The following PRKCB variants were observed in gnomAD, a reference collection of about 807,000 sequenced individuals.
The protein encoded by PRKCB is protein kinase C beta type.
Under a neutral mutation model 81.5 loss-of-function variants are expected in PRKCB, and 13 were observed. That is an observed-to-expected ratio of 0.16 (90% CI 0.10 to 0.25). The LOEUF (loss-of-function observed/expected upper bound fraction) is 0.25, where lower values mean the gene tolerates loss of function less well. PRKCB is among the 10% of genes least tolerant of loss of function. PRKCB has a pLI of 1.00. For missense variants in PRKCB, 509 were observed against 875.7 expected, an observed-to-expected ratio of 0.58 and a Z score of 5.29; for synonymous variants, 335 against 321.4, an observed-to-expected ratio of 1.04 and a Z score of -0.45.
chr16:23,954,255 G>A (rs1567324695), intron 2 of PRKCB, among the ~76,000 whole-genome samples: 1 of 152,070 alleles, frequency 6.6e-6, no homozygotes, highest in Admixed American at 6.6e-5. Context: ...GACCAGGGAA[G>A]GCATCGATCT....
chr16:23,911,127 G>GTTTTTTTTTTTTTTTT (rs1567310884), intron 2 of PRKCB, among the ~76,000 whole-genome samples: 1 of 11,784 alleles, frequency 8.5e-5, no homozygotes, highest in Admixed American at 9.5e-4. Context: ...ACGTATATAT[G>GTTTTTTTTTTTTTTTT]CTTTTTTTTT....
chr16:24,117,961 G>A (rs1298426870), intron 8 of PRKCB, among the ~76,000 whole-genome samples: 2 of 152,240 alleles, frequency 1.3e-5, no homozygotes, highest in Non-Finnish European at 2.9e-5. Context: ...AATGTGCCCT[G>A]TGCGCTGTGC....
intron 7 of PRKCB, among the ~76,000 whole-genome samples, 174 bp from the exon 8 acceptor site, chr16:24,112,799 C>T (rs1966691023): frequency 6.6e-6 from 1 of 151,272 alleles, no homozygotes; most frequent in Non-Finnish European, 1.5e-5. Context: ...GGTAGTGTAC[C>T]ATGCACACTA....
At chr16:24,151,040 A>G (rs1195513706) in intron 9 of PRKCB, among the ~76,000 whole-genome samples, 1 of 152,260 alleles carries the variant, frequency 6.6e-6, no homozygotes, top group African/African-American at 2.4e-5. Flanking sequence ...CTGATTTGCA[A>G]GAAGATTTCA....
At chr16:24,085,149 G>GGA (rs533944182) in intron 5 of PRKCB, among the ~76,000 whole-genome samples, 132 of 138,190 alleles carry the variant, frequency 9.6e-4, no homozygotes, top group African/African-American at 3.5e-3. Flanking sequence ...TTGATGAAAT[G>GGA]AAAAAAAAAA....
intron 2 of PRKCB, among the ~76,000 whole-genome samples, chr16:23,847,415 C>T (rs62030644): frequency 6.7e-6 from 1 of 149,424 alleles, no homozygotes; most frequent in Non-Finnish European, 1.5e-5. Flanking sequence ...CACCTATCCA[C>T]CAATACATCC....
chr16:23,922,137 C>T lies in PRKCB; in HGVS notation c.206-66371C>T, dbSNP rs115138355. ...GAAGGACATTGGCTGATAAAAATGA[C>T]GTCTTAATAGTTATCTGTGGACAAA... On this transcript the variant is annotated intron_variant, in intron 2 of 16. Coordinates refer to ENST00000643927, the MANE Select transcript of PRKCB (RefSeq NM_002738.7). 8.9e-3 allele frequency among the ~76,000 whole-genome samples: 1,360 copies of T among 152,202 alleles called. 16 individuals are homozygous for T. Among genetic ancestry groups the T allele is most frequent in the African/African-American group, 0.031 (1,304 of 41,518 alleles).
Position 24,112,963 on chromosome 16 carries a change from CT to C in PRKCB, c.822-9del. 1 of 1,589,258 alleles carries C rather than the reference CT, an allele frequency of 6.3e-7. No homozygotes were observed. Among genetic ancestry groups the C allele is most frequent in the Non-Finnish European group, 8.6e-7 (1 of 1,165,862 alleles). ...CATGAAATGTGTCCCACCCCCTTGT[CT>C]CCCTTCAGGTTTAAGTTACTGAGCC... On this transcript the variant is annotated splice_polypyrimidine_tract_variant and intron_variant, in intron 7 of 16. Transcript: ENST00000643927.
At chr16:23,946,311 C>A (rs1204128550) in intron 2 of PRKCB, among the ~76,000 whole-genome samples, 3 of 152,158 alleles carry the variant, frequency 2.0e-5, no homozygotes, top group Admixed American at 1.3e-4. Context: ...GCTAAAGAGA[C>A]CACCCAAAGA....
intron 2 of PRKCB, among the ~76,000 whole-genome samples, chr16:23,873,203 A>AG (rs1230411661): frequency 0.15 from 10,249 of 70,140 alleles, 643 homozygotes; most frequent in Non-Finnish European, 0.2. Flanking sequence ...AAAAAAAAAA[A>AG]AAAAAAGAAA....
intron 5 of PRKCB, among the ~76,000 whole-genome samples, chr16:24,063,753 G>C (rs116432791): frequency 1.4e-4 from 21 of 152,288 alleles, no homozygotes; most frequent in African/African-American, 5.1e-4. Context: ...TTGAGCACTA[G>C]AGTGTGAGAT....
chr16:24,156,586 TTAAAA>T (rs1477881549), intron 10 of PRKCB, among the ~76,000 whole-genome samples: 1 of 152,188 alleles, frequency 6.6e-6, no homozygotes, highest in Admixed American at 6.5e-5. Flanking sequence ...AAGTTGGCTT[TTAAAA>T]TAAACTGTTT....
intron 2 of PRKCB, among the ~76,000 whole-genome samples, chr16:23,978,660 A>G (rs984503071): frequency 6.6e-6 from 1 of 152,150 alleles, no homozygotes; most frequent in African/African-American, 2.4e-5. Context: ...GTGACAAGAG[A>G]TGAGAGTCAA....
intron 2 of PRKCB, among the ~76,000 whole-genome samples, chr16:23,919,569 G>A (rs1372020851): frequency 6.6e-6 from 1 of 152,116 alleles, no homozygotes; most frequent in Non-Finnish European, 1.5e-5. Flanking sequence ...CCAGAAAGTA[G>A]GATCACATTG....
chr16:23,972,156 C>G (rs1291164697), intron 2 of PRKCB, among the ~76,000 whole-genome samples: 2 of 152,120 alleles, frequency 1.3e-5, no homozygotes, highest in Non-Finnish European at 2.9e-5. Flanking sequence ...GTCTCAAAAA[C>G]ATTATTTTAA....
chr16:23,881,432 A>G (rs1030607439), intron 2 of PRKCB, among the ~76,000 whole-genome samples: 2 of 151,892 alleles, frequency 1.3e-5, no homozygotes, highest in Non-Finnish European at 2.9e-5. Flanking sequence ...TTGTATTTTT[A>G]GGAGAGACGG....
intron 2 of PRKCB, among the ~76,000 whole-genome samples, chr16:23,979,809 C>T (rs1398976241): frequency 6.6e-6 from 1 of 152,220 alleles, no homozygotes; most frequent in African/African-American, 2.4e-5. Flanking sequence ...CAAATTACTT[C>T]TCTCCGAGCA....
At chr16:23,934,344 A>G (rs1013408965) in intron 2 of PRKCB, among the ~76,000 whole-genome samples, 1 of 150,232 alleles carries the variant, frequency 6.7e-6, no homozygotes, top group Non-Finnish European at 1.5e-5. Context: ...TTTGACATTA[A>G]AAGCTCTAGT....
intron 3 of PRKCB, among the ~76,000 whole-genome samples, chr16:24,015,044 G>A (rs62029625): frequency 0.036 from 5,437 of 152,180 alleles, 157 homozygotes; most frequent in Middle Eastern, 0.099. Context: ...CAAGTGATCC[G>A]CCCGCCTTGG....
Sources: gnomAD v4.1 joint callset for allele counts (sites outside exome capture counted in the v4.1 genomes callset) on GRCh38, gnomAD v4.1.1 for gene constraint, MANE v1.5 for transcripts, NCBI Gene and HGNC (gene_info 2026-07-23, HGNC 2026-07-21) for gene names.